Variants in TRAF3IP3 observed in about 807,000 individuals in gnomAD.
TRAF3IP3 encodes the protein TRAF3 interacting protein 3, also known as TRAF3-interacting JNK-activating modulator.
A neutral mutation model predicts 86.5 loss-of-function variants in TRAF3IP3; 64 were observed. The ratio of observed to expected loss-of-function variants is 0.74; its 90% confidence interval spans 0.60 to 0.91. The LOEUF is 0.91. TRAF3IP3 is among the 40% of genes least tolerant of loss of function. TRAF3IP3 has a pLI of 0.00. For missense variants in TRAF3IP3, 579 were observed against 642.9 expected (o/e 0.90, Z 1.07); for synonymous variants, 220 against 243.9 (o/e 0.90, Z 0.91).
intron 1 of TRAF3IP3, among the ~76,000 whole-genome samples, chr1:209,758,152 C>G (rs2077185133): frequency 6.6e-6 from 1 of 152,200 alleles, no homozygotes; most frequent in African/African-American, 2.4e-5. Context: ...AGACATGGGT[C>G]TCTCAGACCC....
In TRAF3IP3 at chr1:209,775,803, T is replaced by G. The variant is rs564467292; in HGVS notation, c.1053+67T>G. On this transcript the variant is annotated intron_variant, in intron 11 of 16. Coordinates refer to ENST00000367025, the MANE Select transcript of TRAF3IP3 (RefSeq NM_025228.4). ...GAGGAGGGATGGTGATGAAAGAAGC[T>G]GTTCTGGATTAGGGACTCCAAAGGC... is the stretch of plus-strand genomic sequence containing the variant. 7.4e-6 allele frequency: 11 copies of G among 1,493,294 alleles called. No individual in the cohort carries two copies. In the African/African-American group the frequency reaches 1.5e-4, roughly 21 times the overall value. 92.5% of individuals were successfully genotyped at this position (1,493,294 alleles called of 1,614,324 possible).
intron 8 of TRAF3IP3, among the ~76,000 whole-genome samples, chr1:209,770,756 TGGA>T (rs1462100591): frequency 1.6e-5 from 2 of 121,548 alleles, no homozygotes; most frequent in Non-Finnish European, 3.4e-5. Flanking sequence ...CGTGTGCAGG[TGGA>T]GGTGTGCGTG....
In TRAF3IP3 at chr1:209,775,746, A is replaced by T. The variant is rs1393782337; in HGVS notation, c.1053+10A>T. 5 of 1,604,302 alleles carry T rather than the reference A, an allele frequency of 3.1e-6. No individual in the cohort carries two copies. The East Asian group carries it at 1.1e-4, about 36-fold the overall frequency. On this transcript the variant is annotated intron_variant, in intron 11 of 16. Transcript: ENST00000367025. The stretch of plus-strand genomic sequence containing the variant: ...TCAGTCCAAACTGCAGGTACCAGGC[A>T]CTGGGGGTGGGGAGGGAAGACAGGG...
rs1491096425 is a variant in TRAF3IP3 at position 209,761,013 on chromosome 1, A to ATGTC, written c.345+631_345+634dup. ...CAGTTCAAATTTAGGCAATATACAC[A>ATGTC]TGTCTTCTACAGCTATCTTACAGCA... On this transcript the variant is annotated intron_variant, in intron 3 of 16. Transcript: ENST00000367025. Among the ~76,000 whole-genome samples the ATGTC allele has an allele frequency of 5.3e-5, 8 of 152,322 alleles. No homozygotes were observed. The East Asian group carries it at 1.5e-3, about 29-fold the overall frequency.
chr1:209,769,380 A>G (rs1558017251), intron 8 of TRAF3IP3, among the ~76,000 whole-genome samples: 1 of 152,232 alleles, frequency 6.6e-6, no homozygotes, highest in Non-Finnish European at 1.5e-5. Context: ...GTCTTTGTCC[A>G]CGTCTTCCAT....
At chr1:209,779,757 A>AGTTTCCT in intron 14 of TRAF3IP3, 1 of 531,274 alleles carries the variant, frequency 1.9e-6, no homozygotes, top group Non-Finnish European at 3.3e-6. Flanking sequence ...TTAGCCCTAG[A>AGTTTCCT]GAGTCTACTG....
Position 209,760,196 on chromosome 1 carries a change from CAG to C in TRAF3IP3, c.164_165del (p.Glu55AlafsTer67). 8 of 1,614,236 alleles carry C rather than the reference CAG, an allele frequency of 5.0e-6. No individual in the cohort carries two copies. Among genetic ancestry groups the C allele is most frequent in the Non-Finnish European group, 6.8e-6 (8 of 1,180,038 alleles). Reference protein sequence around the residue: ...RQVGKTLRIQQREQLQRARLQ... With the variant: ...RQVGKTLRIQXREQLQRARLQ... The stretch of plus-strand genomic sequence containing the variant: ...GGTGGGGAAGACGCTGAGGATCCAA[CAG>C]AGAGAGCAGCTCCAGAGAGCTCGAC... On this transcript the variant is annotated frameshift_variant, in exon 3 of 17. Coordinates refer to ENST00000367025, the MANE Select transcript of TRAF3IP3 (RefSeq NM_025228.4). LOFTEE classifies it high-confidence loss of function.
intron 8 of TRAF3IP3, among the ~76,000 whole-genome samples, chr1:209,767,526 T>C (rs2077379334): frequency 6.6e-6 from 1 of 151,944 alleles, no homozygotes; most frequent in African/African-American, 2.4e-5. Context: ...CTCATCTCTA[T>C]TAAAAATAAA....
In TRAF3IP3 at chr1:209,762,797, ATCCTC is replaced by A. The variant is rs1404491661; in HGVS notation, c.494-15_494-11del. The A allele has an allele frequency of 6.6e-7, 1 of 1,510,460 alleles. No individual in the cohort carries two copies. Among genetic ancestry groups the A allele is most frequent in the East Asian group, 2.4e-5 (1 of 40,832 alleles). The allele number at this position is 1,510,460 out of a possible 1,614,324, so 93.6% of individuals were successfully genotyped here. A position where few individuals can be genotyped will look rare whatever the true frequency, so the allele number is the denominator to read the frequency against. On this transcript the variant is annotated splice_polypyrimidine_tract_variant and intron_variant, in intron 4 of 16. Transcript: ENST00000367025. ...CTCCCTGTAAGTTCTAAATCAACTT[ATCCTC>A]CATCTCTCAGGTACTCAGACAAAGG... is the stretch of plus-strand genomic sequence containing the variant.
At chr1:209,764,207 G>T (rs2077297882) in intron 8 of TRAF3IP3, among the ~76,000 whole-genome samples, 1 of 152,188 alleles carries the variant, frequency 6.6e-6, no homozygotes, top group Non-Finnish European at 1.5e-5. Context: ...ACTAGCACTA[G>T]AAATAATGAG....
chr1:209,774,915 G>A (rs2077620956), intron 9 of TRAF3IP3, among the ~76,000 whole-genome samples: 1 of 152,136 alleles, frequency 6.6e-6, no homozygotes, highest in Non-Finnish European at 1.5e-5. Context: ...AGCTGTTAAG[G>A]AAATTGTCAA....
At chr1:209,780,995 G>C (rs2077766328) in intron 15 of TRAF3IP3, 1 of 191,290 alleles carries the variant, frequency 5.2e-6, no homozygotes, top group African/African-American at 2.4e-5. Flanking sequence ...TATGCAACTA[G>C]CTCCTGGGAA....
At chr1:209,778,808 A>C in intron 13 of TRAF3IP3, 1 of 158,552 alleles carries the variant, frequency 6.3e-6, no homozygotes, top group East Asian at 1.9e-4. Context: ...GGGGAGATAT[A>C]AGGATGCTAT....
In TRAF3IP3 at chr1:209,780,861, T is replaced by A. The variant is rs1020916594; in HGVS notation, c.1449+255T>A. 4 of 249,146 alleles carry A rather than the reference T, an allele frequency of 1.6e-5. No homozygotes were observed. In the South Asian group the frequency reaches 4.0e-4, roughly 25 times the overall value. 15.4% of individuals were successfully genotyped at this position (249,146 alleles called of 1,614,324 possible). On this transcript the variant is annotated intron_variant, in intron 15 of 16. Coordinates refer to ENST00000367025, the MANE Select transcript of TRAF3IP3 (RefSeq NM_025228.4). ...TCGACCAAAACTCAAACACATTTAA[T>A]AAAAATATTAACTTCTCAATATGTC...
intron 11 of TRAF3IP3, chr1:209,776,710 A>G (rs2077662579): frequency 6.6e-6 from 1 of 152,208 alleles, no homozygotes; most frequent in African/African-American, 2.4e-5. Flanking sequence ...AACATCCAGA[A>G]AACTAATGAC....
intron 3 of TRAF3IP3, 120 bp downstream of exon 3, chr1:209,760,504 T>A (rs1265499206): frequency 2.3e-6 from 2 of 852,088 alleles, no homozygotes; most frequent in Non-Finnish European, 3.6e-6. Flanking sequence ...CTCAGTCATA[T>A]AGTAAAGTTG....
chr1:209,759,293 G>A (rs144358775), intron 2 of TRAF3IP3, among the ~76,000 whole-genome samples, 159 bp downstream of exon 2: 4 of 152,196 alleles, frequency 2.6e-5, no homozygotes, highest in Admixed American at 6.5e-5. Context: ...CCTGAGCTTG[G>A]AGTGGGGGGC....
At chr1:209,777,867 G>C in intron 12 of TRAF3IP3, 1 of 555,706 alleles carries the variant, frequency 1.8e-6, no homozygotes, top group Non-Finnish European at 3.2e-6. Flanking sequence ...TCCGCTGATA[G>C]AGAGGACTAG....
chr1:209,760,431 C>G (rs899507589), intron 3 of TRAF3IP3, 47 bp downstream of exon 3: 2 of 1,470,828 alleles, frequency 1.4e-6, no homozygotes, highest in African/African-American at 2.8e-5. Context: ...GGGACCCTCT[C>G]TGGACAAGGA....
Sources: gnomAD v4.1 joint callset for allele counts (sites outside exome capture counted in the v4.1 genomes callset) on GRCh38, gnomAD v4.1.1 for gene constraint, MANE v1.5 for transcripts, NCBI Gene and HGNC (gene_info 2026-07-23, HGNC 2026-07-21) for gene names.